LIN52: variants seen among roughly 807,000 people sequenced by gnomAD.
LIN52 encodes the protein protein lin-52 homolog.
In LIN52, 4 loss-of-function variants were observed where a neutral mutation model predicts 18.5. That is an observed-to-expected ratio of 0.22 (90% CI 0.11 to 0.49). The LOEUF is 0.49. Ranked by LOEUF, LIN52 falls within the 20% of genes least tolerant of loss-of-function variation. The pLI, the probability that LIN52 is intolerant of heterozygous loss-of-function variation, is 0.97. For missense variants in LIN52, 102 were observed against 139.5 expected, an observed-to-expected ratio of 0.73 and a Z score of 1.35; for synonymous variants, 34 against 45.5, an observed-to-expected ratio of 0.75 and a Z score of 1.02.
intron 5 of LIN52, among the ~76,000 whole-genome samples, chr14:74,103,897 T>G (rs2060879664): frequency 7.5e-6 from 1 of 133,404 alleles, no homozygotes; most frequent in Admixed American, 7.3e-5. Flanking sequence ...TTTTTCTTTC[T>G]TTTTTTTTTT....
chr14:74,127,054 T>C (rs995863460), intron 5 of LIN52, among the ~76,000 whole-genome samples: 14 of 152,332 alleles, frequency 9.2e-5, no homozygotes, highest in Non-Finnish European at 5.9e-5. Context: ...CTAAGGTCCT[T>C]ACAGCATTAA....
chr14:74,123,052 T>C (rs1036611722), intron 5 of LIN52, among the ~76,000 whole-genome samples: 3 of 152,192 alleles, frequency 2.0e-5, no homozygotes, highest in African/African-American at 7.2e-5. Context: ...TAGCTCACTG[T>C]CTGGATCTTA....
chr14:74,096,503 G>GT lies in LIN52; in HGVS notation c.132+526dup, dbSNP rs1274186713. Among the ~76,000 whole-genome samples the GT allele has an allele frequency of 4.0e-5, 6 of 150,710 alleles. 1 individual carries two copies. In the South Asian group the frequency reaches 8.4e-4, roughly 21 times the overall value. ...CCAATGTATGTGTTTTTGTTTTTTT[G>GT]TTTTTTTTAATGTGAAAAAAATACC... On this transcript the variant is annotated intron_variant, in intron 3 of 5. Transcript: ENST00000555028.
chr14:74,142,428 T>C (rs1367152600), intron 5 of LIN52, among the ~76,000 whole-genome samples: 1 of 152,184 alleles, frequency 6.6e-6, no homozygotes, highest in Admixed American at 6.5e-5. Flanking sequence ...TTACTTCTTG[T>C]CCAAGCCTTT....
At chr14:74,103,680 A>G (rs1427347279) in intron 5 of LIN52, among the ~76,000 whole-genome samples, 2 of 134,392 alleles carry the variant, frequency 1.5e-5, no homozygotes, top group Non-Finnish European at 3.1e-5. Flanking sequence ...GATCTGCCCA[A>G]CTCCGCCTCC....
At chr14:74,111,430 A>AG (rs1431693547) in intron 5 of LIN52, among the ~76,000 whole-genome samples, 1 of 150,240 alleles carries the variant, frequency 6.7e-6, no homozygotes, top group Non-Finnish European at 1.5e-5. Context: ...CTGGAACCAC[A>AG]GGACAGTGCC....
intron 5 of LIN52, among the ~76,000 whole-genome samples, chr14:74,177,630 C>T (rs1334419420): frequency 4.6e-5 from 7 of 152,004 alleles, no homozygotes; most frequent in Non-Finnish European, 7.4e-5. Flanking sequence ...TCAAGGGACT[C>T]TAAAGTTTGA....
intron 5 of LIN52, among the ~76,000 whole-genome samples, chr14:74,133,228 T>C (rs2061078890): frequency 6.6e-6 from 1 of 152,232 alleles, no homozygotes; most frequent in Non-Finnish European, 1.5e-5. Context: ...TGTGATTGGG[T>C]TGGTGTTTTT....
At chr14:74,181,659 T>C (rs566306957) in intron 5 of LIN52, among the ~76,000 whole-genome samples, 9 of 151,792 alleles carry the variant, frequency 5.9e-5, no homozygotes, top group Non-Finnish European at 1.0e-4. Flanking sequence ...ATACAGACTA[T>C]TATACTCAAT....
chr14:74,090,638 GT>G (rs1018303184), intron 1 of LIN52, among the ~76,000 whole-genome samples: 1 of 151,232 alleles, frequency 6.6e-6, no homozygotes, highest in Admixed American at 6.6e-5. Flanking sequence ...TCCGGCTGGG[GT>G]TTTTTTTTGA....
chr14:74,145,931 G>A (rs2061151119), intron 5 of LIN52, among the ~76,000 whole-genome samples: 1 of 152,084 alleles, frequency 6.6e-6, no homozygotes, highest in South Asian at 2.1e-4. Context: ...TTTCAGATTG[G>A]TATGGAAAAC....
chr14:74,158,421 A>T (rs2061210173), intron 5 of LIN52, among the ~76,000 whole-genome samples: 1 of 148,942 alleles, frequency 6.7e-6, no homozygotes, highest in Admixed American at 6.7e-5. Context: ...CCCGCCCCCT[A>T]CTGCTGTCGT....
intron 5 of LIN52, among the ~76,000 whole-genome samples, chr14:74,160,004 A>G (rs2061217467): frequency 6.6e-6 from 1 of 152,184 alleles, no homozygotes; most frequent in African/African-American, 2.4e-5. Flanking sequence ...GACTTTTATC[A>G]GATTTTTTAA....
intron 4 of LIN52, among the ~76,000 whole-genome samples, chr14:74,099,263 G>A (rs997197035): frequency 6.6e-6 from 1 of 151,880 alleles, no homozygotes; most frequent in African/African-American, 2.4e-5. Context: ...AATGACTGTG[G>A]CATGATAAAT....
Position 74,095,999 on chromosome 14 carries a change from C to G in LIN52, c.132+14C>G. 1 of 1,592,168 alleles carries G rather than the reference C, an allele frequency of 6.3e-7. No homozygotes were observed. Among genetic ancestry groups the G allele is most frequent in the Non-Finnish European group, 8.6e-7 (1 of 1,165,256 alleles). ...TCCTTCAAAAGTGTAAGTAATATCC[C>G]TTACCTACTGAGGTCAATCCAAAGT... On this transcript the variant is annotated intron_variant, in intron 3 of 5. Transcript: ENST00000555028.
At chr14:74,157,528 G>A (rs1164255961) in intron 5 of LIN52, among the ~76,000 whole-genome samples, 1 of 151,832 alleles carries the variant, frequency 6.6e-6, no homozygotes, top group Non-Finnish European at 1.5e-5. Context: ...GTGCAGTGGT[G>A]TGAACTTGGC....
At chr14:74,092,429 C>T (rs897622717) in intron 2 of LIN52, among the ~76,000 whole-genome samples, 7 of 150,408 alleles carry the variant, frequency 4.7e-5, no homozygotes, top group African/African-American at 9.8e-5. Context: ...CCTCGGCTCC[C>T]GAGTAGCTGG....
At chr14:74,120,535 A>G (rs1012797807) in intron 5 of LIN52, among the ~76,000 whole-genome samples, 2 of 152,030 alleles carry the variant, frequency 1.3e-5, no homozygotes, top group African/African-American at 4.8e-5. Context: ...TGGGCAGATC[A>G]CCTGAGGTCA....
chr14:74,090,933 T>C (rs1217400556), intron 1 of LIN52, among the ~76,000 whole-genome samples: 1 of 152,142 alleles, frequency 6.6e-6, no homozygotes, highest in Non-Finnish European at 1.5e-5. Context: ...AACACTTAAT[T>C]CATTGTAACT....
Sources: gnomAD v4.1 joint callset for allele counts (sites outside exome capture counted in the v4.1 genomes callset) on GRCh38, gnomAD v4.1.1 for gene constraint, MANE v1.5 for transcripts, NCBI Gene and HGNC (gene_info 2026-07-23, HGNC 2026-07-21) for gene names.